The following HIBCH variants were observed in gnomAD, a reference collection of about 807,000 sequenced individuals.
HIBCH encodes 3-hydroxyisobutyryl-CoA hydrolase, mitochondrial.
A neutral mutation model predicts 58.2 loss-of-function variants in HIBCH; 50 were observed. The observed-to-expected ratio is 0.86, with a 90% CI of 0.68 to 1.09. The LOEUF is 1.09. Among genes scored for constraint, HIBCH ranks in the 50% least tolerant of loss-of-function variants. The probability of loss-of-function intolerance (pLI) is 0.00; values close to 1 mark genes in which losing one functional copy is unlikely to be tolerated. For missense variants in HIBCH, 450 were observed against 449.7 expected (o/e 1.00, Z -0.01); for synonymous variants, 151 against 146.9 (o/e 1.03, Z -0.20).
chr2:190,244,158 C>CACAT (rs1326750952), intron 11 of HIBCH, among the ~76,000 whole-genome samples: 4 of 151,978 alleles, frequency 2.6e-5, no homozygotes. Flanking sequence ...CACACACACA[C>CACAT]ACATATATAT....
In HIBCH at chr2:190,197,995, T is replaced by C. The variant is rs62184384; in HGVS notation, c.*17+7105A>G. On this transcript the variant is annotated intron_variant, in intron 1 of 1. Coordinates refer to the HIBCH transcript ENST00000399855. This position sits in a 1 kb window ranked among gnomAD's most constrained non-coding sequence, Gnocchi z 4.0. ...AAAAACTAGACACTATGAAAAATCA[T>C]AACATGCTGATGATTAACAACCAAG... is the stretch of plus-strand genomic sequence containing the variant. Among the ~76,000 whole-genome samples the C allele has an allele frequency of 2.8e-3, 432 of 152,298 alleles. No individual in the cohort carries two copies. The highest frequency in any genetic ancestry group is 3.6e-3 in the Non-Finnish European group (242 of 68,018).
intron 3 of HIBCH, among the ~76,000 whole-genome samples, chr2:190,295,059 T>C (rs557025969): frequency 6.6e-6 from 1 of 152,336 alleles, no homozygotes; most frequent in Non-Finnish European, 1.5e-5. Flanking sequence ...TCTCTTACTC[T>C]TAATACGTAA....
chr2:190,287,689 C>CTT (rs779469355), intron 5 of HIBCH, 51 bp from the exon 6 acceptor site: 1 of 1,358,874 alleles, frequency 7.4e-7, no homozygotes, highest in East Asian at 2.3e-5. Context: ...AATACATTCC[C>CTT]TTTTTCTTAA....
intron 7 of HIBCH, among the ~76,000 whole-genome samples, chr2:190,259,319 ATGTGTGTGTGTGTGTGTGTGTGTGTG>A (rs370172555): frequency 8.2e-6 from 1 of 122,116 alleles, no homozygotes; most frequent in Non-Finnish European, 1.7e-5. Flanking sequence ...CAGTATACAG[ATGTGTGTGTGTGTGTGTGTGTGTGTG>A]TGTGTGTGTG....
intron 6 of HIBCH, among the ~76,000 whole-genome samples, chr2:190,283,971 T>C (rs1401285778): frequency 6.6e-6 from 1 of 152,194 alleles, no homozygotes; most frequent in African/African-American, 2.4e-5. Flanking sequence ...TCAGAATTAC[T>C]TGGAGAGCTT....
intron 3 of HIBCH, 36 bp from the exon 4 acceptor site, chr2:190,294,666 T>G (rs775773721): frequency 1.5e-6 from 2 of 1,378,080 alleles, no homozygotes; most frequent in South Asian, 1.2e-5. Flanking sequence ...ATAAGCATAT[T>G]ATAAACACAA....
Position 190,211,176 on chromosome 2 carries a change from G to A in HIBCH, c.1011+1780C>T, listed in dbSNP as rs1012045788. 1.2e-4 allele frequency among the ~76,000 whole-genome samples: 19 copies of A among 152,206 alleles called. No individual in the cohort carries two copies. The highest frequency in any genetic ancestry group is 4.6e-4 in the African/African-American group (19 of 41,506). ...TCTAACAGTGTCTACGACATAGTAA[G>A]CACTCTTGTTTAGTAAATAACGAAT... On this transcript the variant is annotated intron_variant, in intron 12 of 13. Transcript: ENST00000359678. The surrounding 1 kb of genome is among the most constrained non-coding windows in gnomAD (Gnocchi z 5.0).
rs1202781604 is a variant in HIBCH, at chr2:190,304,085, C to T, written c.78+6669G>A. Among the ~76,000 whole-genome samples the T allele has an allele frequency of 6.6e-6, 1 of 151,732 alleles. No homozygotes were observed. ...AGAAACTATCACAGACTAGAGGAAA[C>T]TAAAAAGCATGACAAGTGAATGCAG... On this transcript the variant is annotated intron_variant, in intron 2 of 13. Coordinates refer to ENST00000359678, the MANE Select transcript of HIBCH (RefSeq NM_014362.4). The surrounding 1 kb of genome is among the most constrained non-coding windows in gnomAD (Gnocchi z 4.1).
At position 190,254,646 on chromosome 2, in the gene HIBCH, C is replaced by A. The variant is rs1219867504; in HGVS notation, c.518-2339G>T. On this transcript the variant is annotated intron_variant, in intron 7 of 13. Transcript: ENST00000359678. The surrounding 1 kb of genome is among the most constrained non-coding windows in gnomAD (Gnocchi z 5.0). ...TCACAAACCTCCAACTACACTGCTCCTTCCCTCATCAGCCTCATCCATCAA... is the reference window on the plus strand; with the variant it reads ...TCACAAACCTCCAACTACACTGCTCATTCCCTCATCAGCCTCATCCATCAA... Among the ~76,000 whole-genome samples the A allele has an allele frequency of 6.6e-6, 1 of 152,208 alleles. No individual in the cohort carries two copies. Among genetic ancestry groups the A allele is most frequent in the Non-Finnish European group, 1.5e-5 (1 of 68,024 alleles).
intron 9 of HIBCH, among the ~76,000 whole-genome samples, chr2:190,248,706 C>T (rs551396719): frequency 2.6e-5 from 4 of 151,742 alleles, no homozygotes; most frequent in Non-Finnish European, 4.4e-5. Context: ...TACTAAAACA[C>T]AAAAATTAGC....
intron 6 of HIBCH, among the ~76,000 whole-genome samples, chr2:190,262,984 C>G (rs291420): frequency 0.28 from 42,355 of 152,020 alleles, 6,431 homozygotes; most frequent in East Asian, 0.45. Flanking sequence ...TAGGAATACG[C>G]TGAACCATTT....
At chr2:190,300,476 A>G (rs1391892977) in intron 2 of HIBCH, among the ~76,000 whole-genome samples, 1 of 151,864 alleles carries the variant, frequency 6.6e-6, no homozygotes, top group Non-Finnish European at 1.5e-5. Flanking sequence ...TCTTCTAAAA[A>G]GTGTTTTTTC....
chr2:190,282,278 TA>T (rs1342486256), intron 6 of HIBCH, among the ~76,000 whole-genome samples: 1 of 152,174 alleles, frequency 6.6e-6, no homozygotes, highest in Non-Finnish European at 1.5e-5. Context: ...AGGTAACTTA[TA>T]AAACAAAATT....
intron 12 of HIBCH, among the ~76,000 whole-genome samples, chr2:190,212,623 G>C (rs758444522): frequency 4.6e-5 from 7 of 152,012 alleles, no homozygotes; most frequent in Non-Finnish European, 7.4e-5. Context: ...ACCAATGAGG[G>C]AATTCACATT....
At chr2:190,294,507 G>C (rs1226066695) in intron 4 of HIBCH, 39 bp downstream of exon 4, 1 of 1,325,148 alleles carries the variant, frequency 7.5e-7, no homozygotes, top group Admixed American at 1.7e-5. Flanking sequence ...AGTTCTAGTA[G>C]GGGGAAAGAG....
At chr2:190,263,377 T>C (rs935967859) in intron 6 of HIBCH, among the ~76,000 whole-genome samples, 1 of 152,210 alleles carries the variant, frequency 6.6e-6, no homozygotes, top group African/African-American at 2.4e-5. Flanking sequence ...AATGCTTTAC[T>C]GGGCTTTGAG....
At chr2:190,305,249 G>A (rs1688373375) in intron 2 of HIBCH, among the ~76,000 whole-genome samples, 1 of 152,056 alleles carries the variant, frequency 6.6e-6, no homozygotes. Context: ...AAATGAGAAT[G>A]AGCAAGATGA....
At chr2:190,192,734 A>T (rs1259407699) in intron 1 of HIBCH, among the ~76,000 whole-genome samples, 1 of 152,100 alleles carries the variant, frequency 6.6e-6, no homozygotes, top group East Asian at 1.9e-4. Flanking sequence ...TACAAAATGC[A>T]GTTTTCCTTC....
chr2:190,194,477 TACACACACACACACACACACACACAC>T (rs3083429), intron 1 of HIBCH, among the ~76,000 whole-genome samples: 30 of 141,370 alleles, frequency 2.1e-4, no homozygotes, highest in East Asian at 4.1e-4. Flanking sequence ...ATCCTGTGTA[TACACACACACACACACACACACACAC>T]ACACACACAC....
Sources: allele counts gnomAD v4.1 joint callset (sites outside exome capture counted in the v4.1 genomes callset), GRCh38; gene constraint gnomAD v4.1.1; non-coding constraint Gnocchi (gnomAD v3.1); transcripts MANE v1.5; gene names NCBI Gene and HGNC (gene_info 2026-07-23, HGNC 2026-07-21).